LRMDA: variants seen among roughly 807,000 people sequenced by gnomAD.
The protein encoded by LRMDA is leucine-rich melanocyte differentiation-associated protein.
A neutral mutation model predicts 29.8 loss-of-function variants in LRMDA; 18 were observed. That is an observed-to-expected ratio of 0.60 (90% CI 0.42 to 0.90). LRMDA has a LOEUF of 0.90. Among genes scored for constraint, LRMDA ranks in the 40% least tolerant of loss-of-function variants. LRMDA has a pLI of 0.00. For synonymous variants in LRMDA, 125 were observed against 109.4 expected (o/e 1.14, Z -0.89); for missense variants, 273 against 273.9 (o/e 1.00, Z 0.02).
At chr10:75,731,088 GGATGCTTGGGTT>G (rs1024688130) in intron 2 of LRMDA, among the ~76,000 whole-genome samples, 2 of 152,302 alleles carry the variant, frequency 1.3e-5, no homozygotes, top group African/African-American at 4.8e-5. Flanking sequence ...GTCTGTATGA[GGATGCTTGGGTT>G]GATACTGATG....
chr10:76,526,822 G>A (rs868354156), intron 6 of LRMDA, among the ~76,000 whole-genome samples: 1 of 113,550 alleles, frequency 8.8e-6, no homozygotes, highest in Non-Finnish European at 1.7e-5. Flanking sequence ...CACACTCTGG[G>A]GACTGTTGTG....
chr10:75,743,937 G>A (rs950406277), intron 2 of LRMDA, among the ~76,000 whole-genome samples: 3 of 152,146 alleles, frequency 2.0e-5, no homozygotes, highest in Admixed American at 6.5e-5. Flanking sequence ...ACATTTTTGG[G>A]TCCAAGTTTC....
chr10:76,269,415 G>A (rs1241224477), intron 5 of LRMDA, among the ~76,000 whole-genome samples: 1 of 152,200 alleles, frequency 6.6e-6, no homozygotes, highest in African/African-American at 2.4e-5. Context: ...GACTGTGCCA[G>A]AACGGAGGCT....
intron 5 of LRMDA, among the ~76,000 whole-genome samples, chr10:76,269,656 G>A (rs1312085088): frequency 1.3e-5 from 2 of 152,150 alleles, no homozygotes; most frequent in African/African-American, 2.4e-5. Context: ...TACTTTTCAC[G>A]ATATATGGTA....
In LRMDA at chr10:75,786,393, G is replaced by A. The variant is rs373904050; in HGVS notation, c.132-249615G>A. On this transcript the variant is annotated intron_variant, in intron 2 of 6. Coordinates refer to ENST00000611255, the MANE Select transcript of LRMDA (RefSeq NM_001305581.2). ...AATATTTATTGATGCATTTTTCTAA[G>A]GAAAAATGAGCAATTTCCACTTTTC... Among the ~76,000 whole-genome samples the A allele has an allele frequency of 1.2e-3, 189 of 152,128 alleles. 4 individuals carry two copies. The South Asian group carries it at 0.03, about 24-fold the overall frequency.
chr10:75,965,308 T>C (rs1221198130), intron 2 of LRMDA, among the ~76,000 whole-genome samples: 2 of 152,220 alleles, frequency 1.3e-5, no homozygotes, highest in East Asian at 3.8e-4. Flanking sequence ...GTAATCTTAC[T>C]GAGTAACAAA....
At chr10:75,970,421 C>A (rs1846946175) in intron 2 of LRMDA, among the ~76,000 whole-genome samples, 1 of 152,230 alleles carries the variant, frequency 6.6e-6, no homozygotes, top group Non-Finnish European at 1.5e-5. Flanking sequence ...CTACCTTTAT[C>A]TACTTGTATC....
chr10:76,119,692 G>A (rs992710461), intron 5 of LRMDA, among the ~76,000 whole-genome samples: 82 of 152,084 alleles, frequency 5.4e-4, no homozygotes, highest in African/African-American at 1.8e-3. Flanking sequence ...ATGAAACCAT[G>A]TTTTCCCAAG....
In LRMDA at chr10:76,384,047, T is replaced by C. The variant is rs573720792; in HGVS notation, c.601+59562T>C. Among the ~76,000 whole-genome samples the C allele has an allele frequency of 1.1e-4, 16 of 152,202 alleles. 1 individual carries two copies. The highest frequency in any genetic ancestry group is 3.1e-4 in the African/African-American group (13 of 41,528). On this transcript the variant is annotated intron_variant, in intron 6 of 6. Transcript: ENST00000611255. ...CCATCCCACTTCTACCTCTATGAAA[T>C]AGTAAACTCCCAAAGAGCATGGTCC... is the stretch of plus-strand genomic sequence containing the variant.
chr10:75,781,078 G>A lies in LRMDA; in HGVS notation c.132-254930G>A, dbSNP rs555969915. 2.6e-5 allele frequency among the ~76,000 whole-genome samples: 4 copies of A among 152,300 alleles called. No individual in the cohort carries two copies. In the East Asian group the frequency reaches 7.7e-4, roughly 29 times the overall value. On this transcript the variant is annotated intron_variant, in intron 2 of 6. Coordinates refer to ENST00000611255, the MANE Select transcript of LRMDA (RefSeq NM_001305581.2). ...ACCCACTCTTCCTTTTCCACCTTGT[G>A]AAGACTTGCCTTGATATCACTGTAG...
intron 2 of LRMDA, among the ~76,000 whole-genome samples, chr10:75,515,171 G>A (rs1225837056): frequency 6.6e-6 from 1 of 152,168 alleles, no homozygotes; most frequent in Non-Finnish European, 1.5e-5. Context: ...TCCAGAATAG[G>A]TAAATTCATA....
chr10:76,080,399 T>C (rs937664754), intron 5 of LRMDA, among the ~76,000 whole-genome samples: 22 of 152,204 alleles, frequency 1.4e-4, no homozygotes, highest in African/African-American at 5.3e-4. Context: ...TCCCTTAGTA[T>C]TTAGCATCTT....
chr10:76,236,193 T>G (rs1589387818), intron 5 of LRMDA, among the ~76,000 whole-genome samples: 1 of 152,288 alleles, frequency 6.6e-6, no homozygotes, highest in East Asian at 1.9e-4. Flanking sequence ...CCTCACAGGG[T>G]TAACAAGAAT....
At chr10:75,821,533 G>A (rs1400912213) in intron 2 of LRMDA, among the ~76,000 whole-genome samples, 1 of 152,202 alleles carries the variant, frequency 6.6e-6, no homozygotes, top group African/African-American at 2.4e-5. Context: ...ACTTTGGGAG[G>A]CTGAGATGGG....
At chr10:76,500,462 G>A (rs1401657958) in intron 6 of LRMDA, among the ~76,000 whole-genome samples, 1 of 75,846 alleles carries the variant, frequency 1.3e-5, no homozygotes, top group African/African-American at 3.2e-5. Flanking sequence ...CAGCATATCT[G>A]TGATATTAAA....
chr10:76,443,117 C>T (rs1035652350), intron 6 of LRMDA, among the ~76,000 whole-genome samples: 3 of 152,166 alleles, frequency 2.0e-5, no homozygotes, highest in African/African-American at 7.2e-5. Context: ...TGTTTCTTCA[C>T]CTGTACCTCC....
intron 3 of LRMDA, among the ~76,000 whole-genome samples, chr10:76,045,307 TCC>T (rs1848416787): frequency 6.7e-6 from 1 of 149,492 alleles, no homozygotes; most frequent in African/African-American, 2.5e-5. Context: ...CTTGCCAGTT[TCC>T]CCCTCTCTTG....
chr10:76,042,068 A>G (rs541658133), intron 3 of LRMDA, among the ~76,000 whole-genome samples: 2 of 152,354 alleles, frequency 1.3e-5, no homozygotes, highest in South Asian at 2.1e-4. Context: ...TTGGATCTCA[A>G]AACCAGCCAA....
At chr10:76,079,244 T>G (rs1024650759) in intron 5 of LRMDA, among the ~76,000 whole-genome samples, 3 of 152,252 alleles carry the variant, frequency 2.0e-5, no homozygotes, top group Non-Finnish European at 2.9e-5. Flanking sequence ...CTTTTTATTG[T>G]CACATTCTGT....
Sources: allele counts gnomAD v4.1 joint callset (sites outside exome capture counted in the v4.1 genomes callset), GRCh38; gene constraint gnomAD v4.1.1; transcripts MANE v1.5; gene names NCBI Gene and HGNC (gene_info 2026-07-23, HGNC 2026-07-21).